The following CWC22 variants were observed in gnomAD, a reference collection of about 807,000 sequenced individuals.
CWC22 encodes the protein CWC22 spliceosome associated protein.
A neutral mutation model predicts 117.2 loss-of-function variants in CWC22; 53 were observed. The ratio of observed to expected loss-of-function variants is 0.45; its 90% confidence interval spans 0.36 to 0.57. The LOEUF (loss-of-function observed/expected upper bound fraction) is 0.57, where lower values mean the gene tolerates loss of function less well. CWC22 is among the 20% of genes least tolerant of loss of function. The pLI is 0.00. For missense variants in CWC22, 980 were observed against 1,068.8 expected, an observed-to-expected ratio of 0.92 and a Z score of 1.16; for synonymous variants, 360 against 355.6, an observed-to-expected ratio of 1.01 and a Z score of -0.14.
chr2:179,967,700 G>A (rs1686927347), intron 11 of CWC22, among the ~76,000 whole-genome samples: 1 of 151,778 alleles, frequency 6.6e-6, no homozygotes, highest in African/African-American at 2.4e-5. Context: ...ATCCTAATCT[G>A]AGTGATGAAA....
At chr2:180,003,759 A>C (rs560786478) in intron 1 of CWC22, among the ~76,000 whole-genome samples, 50 of 152,260 alleles carry the variant, frequency 3.3e-4, no homozygotes, top group African/African-American at 1.1e-3. Context: ...CAGGTTAAAC[A>C]TGAGTCACCG....
At chr2:179,991,218 C>T (rs866021431) in intron 2 of CWC22, among the ~76,000 whole-genome samples, 2 of 152,080 alleles carry the variant, frequency 1.3e-5, no homozygotes, top group Non-Finnish European at 2.9e-5. Context: ...TTTCATGATC[C>T]ACTAGACTTT....
Position 179,981,953 on chromosome 2 carries a change from T to A in CWC22, c.251A>T (p.Asp84Val). The A allele has an allele frequency of 6.4e-7, 1 of 1,558,980 alleles. No homozygotes were observed. Among genetic ancestry groups the A allele is most frequent in the Non-Finnish European group, 8.7e-7 (1 of 1,150,352 alleles). The part of the protein sequence containing the change: ...EKRRERERDT[D>V]RKRSRKSPSP... ...TGGGGATTTCCGAGACCTTTTCCGA[T>A]CCGTATCTCTTTCTCTTTCTCTGCG... Residue 84 changes from aspartate to valine, a missense_variant, in exon 5 of 20, where the codon GAT becomes GTT. Asp to Val is a radical substitution (Grantham distance 152, BLOSUM62 -3). This residue lies in a region of CWC22 where 559 missense variants were observed against 602.3 expected (regional missense o/e 0.93). Transcript: ENST00000410053.
chr2:179,979,125 G>T (rs1201037567), intron 5 of CWC22, among the ~76,000 whole-genome samples: 1 of 152,022 alleles, frequency 6.6e-6, no homozygotes, highest in Non-Finnish European at 1.5e-5. Flanking sequence ...TTCCATACAT[G>T]TCTCTCTCGG....
intron 2 of CWC22, among the ~76,000 whole-genome samples, chr2:179,991,154 G>A (rs1687557677): frequency 6.6e-6 from 1 of 152,180 alleles, no homozygotes. Context: ...CTCCAACAAT[G>A]TAGGGAGAGC....
At position 179,978,291 on chromosome 2, in the gene CWC22, C is replaced by T. The variant is rs1402402699; in HGVS notation, c.480G>A (p.Glu160=). ...GGCCATTAATTGACTTCTTCAGGGC[C>T]TCCCAACTCATCCTCTGGTATGCTA... ...NSLAYQRMSW[E]ALKKSINGLI... The change falls in exon 6 of 20, where the codon GAG becomes GAA. Residue 160 remains glutamate (E), a synonymous_variant. Coordinates refer to ENST00000410053, the MANE Select transcript of CWC22 (RefSeq NM_020943.3). 6.5e-7 allele frequency: 1 copy of T among 1,531,610 alleles called. No individual in the cohort carries two copies. The highest frequency in any genetic ancestry group is 2.0e-5 in the Admixed American group (1 of 49,140). 94.9% of individuals were successfully genotyped at this position (1,531,610 alleles called of 1,614,324 possible).
intron 13 of CWC22, among the ~76,000 whole-genome samples, chr2:179,962,316 G>A (rs1686772987): frequency 6.6e-6 from 1 of 152,138 alleles, no homozygotes; most frequent in Non-Finnish European, 1.5e-5. Context: ...ATTTTCAAAA[G>A]TGGACTGTTT....
chr2:179,994,990 C>G (rs1387424593), intron 1 of CWC22, among the ~76,000 whole-genome samples: 1 of 152,090 alleles, frequency 6.6e-6, no homozygotes, highest in Non-Finnish European at 1.5e-5. Flanking sequence ...TGGTGGCGGG[C>G]GCCTGTAGTC....
At chr2:180,002,734 C>A (rs1484134165) in intron 1 of CWC22, among the ~76,000 whole-genome samples, 1 of 152,114 alleles carries the variant, frequency 6.6e-6, no homozygotes, top group Non-Finnish European at 1.5e-5. Flanking sequence ...GAAGCTGAGT[C>A]TTAAAGAACA....
intron 5 of CWC22, among the ~76,000 whole-genome samples, chr2:179,978,753 T>C (rs192974054): frequency 1.6e-4 from 25 of 152,242 alleles, no homozygotes; most frequent in African/African-American, 6.0e-4. Flanking sequence ...AAAAAATTTG[T>C]ATGTCCCTTC....
chr2:179,991,443 T>C (rs1398614403), intron 2 of CWC22, among the ~76,000 whole-genome samples: 1 of 151,864 alleles, frequency 6.6e-6, no homozygotes, highest in Non-Finnish European at 1.5e-5. Flanking sequence ...AAGAGATAAA[T>C]GGAAGCAGAC....
intron 6 of CWC22, among the ~76,000 whole-genome samples, chr2:179,977,899 C>T (rs541896726): frequency 6.6e-6 from 1 of 152,038 alleles, no homozygotes; most frequent in African/African-American, 2.4e-5. Flanking sequence ...TTTTAACATT[C>T]GTTATTCCTC....
Position 179,945,281 on chromosome 2 carries a change from T to C in CWC22, c.2575A>G (p.Arg859Gly). Residue 859 changes from arginine to glycine, a missense_variant, in exon 20 of 20, where the codon AGA (arginine) becomes GGA (glycine). Arg to Gly is a moderately radical substitution (Grantham distance 125, BLOSUM62 -2). Transcript: ENST00000410053. ...KDRSKSKEMN[R>G]KHSGSRSDED... is the part of the protein sequence containing the mutation. ...TCACTTCTTGAGCCTGAGTGCTTTCTATTCATTTCCTTTGACTTTGATCTA... is the reference window on the plus strand; with the variant it reads ...TCACTTCTTGAGCCTGAGTGCTTTCCATTCATTTCCTTTGACTTTGATCTA... The C allele has an allele frequency of 6.2e-7, 1 of 1,613,828 alleles. No homozygotes were observed. The highest frequency in any genetic ancestry group is 8.5e-7 in the Non-Finnish European group (1 of 1,179,794).
At chr2:179,958,973 T>C in intron 14 of CWC22, 49 bp downstream of exon 14, 3 of 1,191,828 alleles carry the variant, frequency 2.5e-6, no homozygotes, top group South Asian at 1.3e-5. Context: ...GCCTTAAACA[T>C]TTTTAAAACC....
chr2:179,972,995 T>C (rs6433820), intron 8 of CWC22, among the ~76,000 whole-genome samples, 198 bp downstream of exon 8: 136,187 of 151,610 alleles, frequency 0.9, 61,216 homozygotes, highest in East Asian at 1. Context: ...GGCGACAGAG[T>C]GAGACTCCAT....
intron 13 of CWC22, among the ~76,000 whole-genome samples, chr2:179,960,733 C>T (rs1482953624): frequency 6.6e-6 from 1 of 151,938 alleles, no homozygotes; most frequent in Non-Finnish European, 1.5e-5. Flanking sequence ...GGAATATTTA[C>T]ACTTTCTCAC....
rs764046432 is a variant in CWC22 at position 179,973,820 on chromosome 2, T to A, written c.582-18A>T. ...GCAGTCCTCTGTTTAAAAAAGAATT[T>A]AAAAAGGAGTCAACAATAATCACCA... On this transcript the variant is annotated intron_variant, in intron 6 of 19. Transcript: ENST00000410053. 3 of 1,458,578 alleles carry A rather than the reference T, an allele frequency of 2.1e-6. No homozygotes were observed. The highest frequency in any genetic ancestry group is 2.7e-6 in the Non-Finnish European group (3 of 1,091,252). 90.4% of individuals were successfully genotyped at this position (1,458,578 alleles called of 1,614,324 possible).
At position 179,954,945 on chromosome 2, in the gene CWC22, G is replaced by A. The variant is rs1428688119; in HGVS notation, c.1536+12C>T. ...CGTTTTAAGAATTCCCTCAGTAGAG[G>A]CTGGAACTCACCCCAGCTAATAAGC... On this transcript the variant is annotated intron_variant, in intron 15 of 19. Coordinates refer to ENST00000410053, the MANE Select transcript of CWC22 (RefSeq NM_020943.3). The A allele has an allele frequency of 1.4e-6, 2 of 1,479,920 alleles. No homozygotes were observed. Among genetic ancestry groups the A allele is most frequent in the Non-Finnish European group, 1.9e-6 (2 of 1,069,318 alleles). The allele number at this position is 1,479,920 out of a possible 1,614,324, so 91.7% of individuals were successfully genotyped here.
intron 14 of CWC22, among the ~76,000 whole-genome samples, chr2:179,958,791 A>C (rs889101616): frequency 6.6e-6 from 1 of 151,954 alleles, no homozygotes; most frequent in South Asian, 2.1e-4. Flanking sequence ...TGTTTCAGAG[A>C]CTCTCTTTTT....
Sources: gnomAD v4.1 joint callset for allele counts (sites outside exome capture counted in the v4.1 genomes callset) on GRCh38, gnomAD v4.1.1 for gene constraint, gnomAD v4.1.1 regional missense constraint, MANE v1.5 for transcripts, NCBI Gene and HGNC (gene_info 2026-07-23, HGNC 2026-07-21) for gene names.